The following ARHGEF7 variants were observed in gnomAD, a reference collection of about 807,000 sequenced individuals.
ARHGEF7 encodes the protein PAK-interacting exchange factor beta.
In ARHGEF7, 33 loss-of-function variants were observed where a neutral mutation model predicts 109.8. The ratio of observed to expected loss-of-function variants is 0.30; its 90% CI spans 0.23 to 0.40. ARHGEF7 has a LOEUF of 0.40. Ranked by LOEUF, ARHGEF7 falls within the 10% of genes least tolerant of loss-of-function variation. The pLI is 1.00. For synonymous variants in ARHGEF7, 458 were observed against 424.6 expected (o/e 1.08, Z -0.97); for missense variants, 938 against 1,098.5 (o/e 0.85, Z 2.07).
Position 111,303,169 on chromosome 13 carries a change from C to A in ARHGEF7, c.*56C>A. On this transcript the variant is annotated 3_prime_UTR_variant, in exon 22 of 22. Coordinates refer to ENST00000646102, the MANE Select transcript of ARHGEF7 (RefSeq NM_001354046.2). ...CAGTTCTGAGGTGAAGCTGGGCACC[C>A]CTGACCCAAGTCGGGGTGCACTCAG... The A allele has an allele frequency of 6.6e-7, 1 of 1,518,544 alleles. No homozygotes were observed. 94.1% of individuals were successfully genotyped at this position (1,518,544 alleles called of 1,614,324 possible). A position where few individuals can be genotyped will look rare whatever the true frequency, so the allele number is the denominator to read the frequency against.
chr13:111,165,049 T>G (rs759204544), intron 2 of ARHGEF7, among the ~76,000 whole-genome samples: 2 of 152,164 alleles, frequency 1.3e-5, no homozygotes, highest in Non-Finnish European at 2.9e-5. Flanking sequence ...CGGAGTCAGC[T>G]TGAACTTACC....
intron 2 of ARHGEF7, among the ~76,000 whole-genome samples, chr13:111,200,350 C>T (rs1015708984): frequency 1.3e-5 from 2 of 152,142 alleles, no homozygotes; most frequent in Non-Finnish European, 2.9e-5. Flanking sequence ...TCTTATTGTC[C>T]TGTAGCCAGC....
intron 13 of ARHGEF7, among the ~76,000 whole-genome samples, chr13:111,280,061 A>C (rs2092700402): frequency 6.6e-6 from 1 of 152,156 alleles, no homozygotes; most frequent in African/African-American, 2.4e-5. Context: ...TCGCCAGTTG[A>C]GTTTCTTGCT....
At position 111,283,069 on chromosome 13, in the gene ARHGEF7, A is replaced by G. The variant is rs759482853; in HGVS notation, c.1726-70A>G. 20 of 1,499,862 alleles carry G rather than the reference A, an allele frequency of 1.3e-5. No homozygotes were observed. In the African/African-American group the frequency reaches 1.5e-4, roughly 11 times the overall value. The allele number at this position is 1,499,862 out of a possible 1,614,324, so 92.9% of individuals were successfully genotyped here. On this transcript the variant is annotated intron_variant, in intron 15 of 21. Transcript: ENST00000646102. Reference sequence around the variant, plus strand: ...TTTAAAGAGCAGAAGGAAGTGCGTGATAAGTGCCCTTTCGCGGTGAGCACG... The same window carrying G: ...TTTAAAGAGCAGAAGGAAGTGCGTGGTAAGTGCCCTTTCGCGGTGAGCACG...
chr13:111,121,104 G>A lies in ARHGEF7; in HGVS notation c.165+5413G>A, dbSNP rs2067170282. Among the ~76,000 whole-genome samples, 4 of 152,172 alleles carry A rather than the reference G, an allele frequency of 2.6e-5. No homozygotes were observed. The South Asian group carries it at 8.3e-4, about 32-fold the overall frequency. Reference sequence around the variant, plus strand: ...AGGTCACCGGCCACAGGGGCAGAGTGGGAGCCCTCAGGAGTGCCTGGAGCC... The same window carrying A: ...AGGTCACCGGCCACAGGGGCAGAGTAGGAGCCCTCAGGAGTGCCTGGAGCC... On this transcript the variant is annotated intron_variant, in intron 1 of 21. Coordinates refer to ENST00000646102, the MANE Select transcript of ARHGEF7 (RefSeq NM_001354046.2).
At chr13:111,167,857 C>T (rs1387472424) in intron 2 of ARHGEF7, among the ~76,000 whole-genome samples, 1 of 152,208 alleles carries the variant, frequency 6.6e-6, no homozygotes, top group Non-Finnish European at 1.5e-5. Context: ...CCTGGGGGCA[C>T]CACTGTGGTG....
At chr13:111,141,192 C>T (rs1023607653) in intron 1 of ARHGEF7, among the ~76,000 whole-genome samples, 3 of 152,132 alleles carry the variant, frequency 2.0e-5, no homozygotes, top group African/African-American at 7.2e-5. Flanking sequence ...TTAGGGTTCA[C>T]TGTGTGTTGT....
At chr13:111,231,769 C>G (rs1051152525) in intron 5 of ARHGEF7, among the ~76,000 whole-genome samples, 1 of 152,140 alleles carries the variant, frequency 6.6e-6, no homozygotes, top group Non-Finnish European at 1.5e-5. Context: ...TAGGCAGGTG[C>G]TGCTCACACA....
chr13:111,273,825 G>A lies in ARHGEF7; in HGVS notation c.1085G>A (p.Gly362Glu), dbSNP rs776190344. The A allele has an allele frequency of 6.2e-7, 1 of 1,614,152 alleles. No individual in the cohort carries two copies. The highest frequency in any genetic ancestry group is 1.7e-5 in the Admixed American group (1 of 60,026). ...CACTTGCTGCCCAGTGAGGAGTTGG[G>A]GGAGTTCATGGAGACCAAAGGTGCC... Reference protein sequence around the residue: ...NVLTEHSEELGEFMETKGASS... With the variant: ...NVLTEHSEELEEFMETKGASS... Residue 362 changes from glycine to glutamate, a missense_variant, in exon 10 of 22, where the codon GGG becomes GAG. Physicochemically the swap from Gly to Glu is moderately conservative, Grantham distance 98. Transcript: ENST00000646102. This position sits in a 1 kb window ranked among gnomAD's most constrained non-coding sequence, Gnocchi z 4.5.
intron 1 of ARHGEF7, among the ~76,000 whole-genome samples, chr13:111,146,858 C>T (rs2075620109): frequency 1.3e-5 from 2 of 152,124 alleles, no homozygotes; most frequent in South Asian, 4.1e-4. Flanking sequence ...GATTAATTTG[C>T]AGCAAATTTT....
At chr13:111,138,243 G>A (rs1194774516) in intron 1 of ARHGEF7, among the ~76,000 whole-genome samples, 1 of 152,118 alleles carries the variant, frequency 6.6e-6, no homozygotes, top group Non-Finnish European at 1.5e-5. Context: ...AACTCGGGAG[G>A]CAGAGGTTGC....
intron 6 of ARHGEF7, among the ~76,000 whole-genome samples, chr13:111,237,101 C>T (rs2086939667): frequency 6.6e-6 from 1 of 152,092 alleles, no homozygotes; most frequent in African/African-American, 2.4e-5. Flanking sequence ...GATGAAATGA[C>T]AAAGGAAAAG....
rs2092561830 is a variant in ARHGEF7 at position 111,277,595 on chromosome 13, T to C, written c.1428T>C (p.Asn476=). Residue 476 remains asparagine, a synonymous_variant, in exon 13 of 22, where the codon AAT becomes AAC. Transcript: ENST00000646102. ...TTCTTTTTTTGTATTAGGAAAAGAA[T>C]GAAAGATATCTTCTACTCTTCCCAA... ...LIQCAGSEEK[N]ERYLLLFPNV... is the part of the protein sequence containing the mutation. The C allele has an allele frequency of 6.3e-7, 1 of 1,597,638 alleles. No homozygotes were observed. Among genetic ancestry groups the C allele is most frequent in the Non-Finnish European group, 8.6e-7 (1 of 1,166,300 alleles).
intron 4 of ARHGEF7, among the ~76,000 whole-genome samples, chr13:111,216,125 A>G (rs1027979077): frequency 9.8e-5 from 15 of 152,296 alleles, no homozygotes; most frequent in Middle Eastern, 6.8e-3. Flanking sequence ...GGATTGGTAT[A>G]TTTATGTCTT....
chr13:111,159,161 C>T, intron 2 of ARHGEF7: 1 of 701,920 alleles, frequency 1.4e-6, no homozygotes, highest in Non-Finnish European at 2.6e-6. Context: ...GCCCTGCTTT[C>T]TCTTAGCACA....
At chr13:111,259,440 G>A (rs978865621) in intron 8 of ARHGEF7, among the ~76,000 whole-genome samples, 13 of 152,320 alleles carry the variant, frequency 8.5e-5, no homozygotes, top group African/African-American at 2.9e-4. Context: ...AGTAAGGGAA[G>A]AGAGCAAAGA....
rs899583904 is a variant in ARHGEF7 at position 111,251,140 on chromosome 13, C to T, written c.950+6846C>T. Among the ~76,000 whole-genome samples the T allele has an allele frequency of 9.9e-5, 15 of 152,246 alleles. No individual in the cohort carries two copies. In the South Asian group the frequency reaches 1.7e-3, roughly 17 times the overall value. ...CCCATCCTGTAAGCTGTCTAGGGGC[C>T]GACCCAGAGTTACCTCGTTAGCATA... On this transcript the variant is annotated intron_variant, in intron 8 of 21. Transcript: ENST00000646102.
Position 111,153,951 on chromosome 13 carries a change from G to A in ARHGEF7, c.212G>A (p.Arg71His), listed in dbSNP as rs1184111800. ...RSESECLSNI[R>H]EFLRGCGASL... Reference sequence around the variant, plus strand: ...GAGAGCGAGTGCCTGAGCAACATCCGCGAGTTCCTGCGCGGCTGCGGGGCT... The same window carrying A: ...GAGAGCGAGTGCCTGAGCAACATCCACGAGTTCCTGCGCGGCTGCGGGGCT... Residue 71 changes from arginine (R) to histidine (H), a missense_variant, in exon 2 of 22, where the codon CGC becomes CAC. Arg to His is a conservative substitution (Grantham distance 29). Around this residue, in one of 4 missense-constraint regions of ARHGEF7, gnomAD observed 165 missense variants for 125.8 expected, o/e 1.31. Transcript: ENST00000646102. The A allele has an allele frequency of 1.9e-6, 3 of 1,604,726 alleles. No homozygotes were observed. Among genetic ancestry groups the A allele is most frequent in the South Asian group, 1.1e-5 (1 of 90,364 alleles).
In ARHGEF7 at chr13:111,258,983, C is replaced by T. The variant is rs2153571479; in HGVS notation, c.951-8565C>T. 6.6e-6 allele frequency among the ~76,000 whole-genome samples: 1 copy of T among 152,252 alleles called. No homozygotes were observed. The highest frequency in any genetic ancestry group is 3.4e-3 in the Middle Eastern group (1 of 292). Reference sequence around the variant, plus strand: ...CGGTGGTGGCTACAGGGAGAGGTTTCCTGCTTATGGAAAAGGGGAGTGAAG... The same window carrying T: ...CGGTGGTGGCTACAGGGAGAGGTTTTCTGCTTATGGAAAAGGGGAGTGAAG... On this transcript the variant is annotated intron_variant, in intron 8 of 21. Coordinates refer to ENST00000646102, the MANE Select transcript of ARHGEF7 (RefSeq NM_001354046.2). This position sits in a 1 kb window ranked among gnomAD's most constrained non-coding sequence, Gnocchi z 4.4.
Sources: allele counts gnomAD v4.1 joint callset (sites outside exome capture counted in the v4.1 genomes callset), GRCh38; gene constraint gnomAD v4.1.1; regional missense constraint gnomAD v4.1.1; non-coding constraint Gnocchi (gnomAD v3.1); transcripts MANE v1.5; gene names NCBI Gene and HGNC (gene_info 2026-07-23, HGNC 2026-07-21).